Variants in DENR observed in about 807,000 individuals in gnomAD.
DENR encodes the protein density regulated re-initiation and release factor.
Under a neutral mutation model 30.6 loss-of-function variants are expected in DENR, and 6 were observed. The observed-to-expected ratio is 0.20, with a 90% CI of 0.11 to 0.39. The LOEUF is 0.39. Ranked by LOEUF, DENR falls within the 10% of genes least tolerant of loss-of-function variation. The probability of loss-of-function intolerance (pLI) is 1.00; values close to 1 mark genes in which losing one functional copy is unlikely to be tolerated. For synonymous variants in DENR, 78 were observed against 72.1 expected (o/e 1.08, Z -0.41); for missense variants, 141 against 230.9 (o/e 0.61, Z 2.52).
chr12:122,764,559 C>T (rs1314567662), intron 4 of DENR, among the ~76,000 whole-genome samples: 5 of 152,142 alleles, frequency 3.3e-5, no homozygotes, highest in South Asian at 2.1e-4. Context: ...GAGATCGCAC[C>T]GCTGCACTCC....
chr12:122,766,432 C>G lies in DENR; in HGVS notation c.295+1045C>G, dbSNP rs529164822. On this transcript the variant is annotated intron_variant, in intron 5 of 7. Transcript: ENST00000280557. ...GTCCTAGGCCCACTTACTTCTCATT[C>G]TGCACGTTCTTGTTGGATGATTCTA... is the stretch of plus-strand genomic sequence containing the variant. Among the ~76,000 whole-genome samples, 5 of 152,332 alleles carry G rather than the reference C, an allele frequency of 3.3e-5. No homozygotes were observed. In the South Asian group the frequency reaches 1.0e-3, roughly 32 times the overall value.
chr12:122,755,431 T>G (rs148874285), intron 2 of DENR, among the ~76,000 whole-genome samples: 6,522 of 151,982 alleles, frequency 0.043, 176 homozygotes, highest in Middle Eastern at 0.071. Context: ...TACAAAAACT[T>G]AGCCAGGCCT....
chr12:122,769,160 ATATATACACATATATATG>A lies in DENR; in HGVS notation c.*89_*106del. On this transcript the variant is annotated 3_prime_UTR_variant, in exon 8 of 8. Transcript: ENST00000280557. ...GAGAGAGGCCTTTTAAAATATATAT[ATATATACACATATATATG>A]TATATATACACATATATGTATGTAT... is the stretch of plus-strand genomic sequence containing the variant. The A allele has an allele frequency of 4.9e-6, 6 of 1,226,738 alleles. No homozygotes were observed. In the East Asian group the frequency reaches 1.6e-4, roughly 32 times the overall value. 76.0% of individuals were successfully genotyped at this position (1,226,738 alleles called of 1,614,324 possible). A position where few individuals can be genotyped will look rare whatever the true frequency, so the allele number is the denominator to read the frequency against.
In DENR at chr12:122,769,215, CATGT is replaced by C. The variant is rs1566061483; in HGVS notation, c.*140_*143del. Reference sequence around the variant, plus strand: ...ATATATGTATGTATACACATATACACATGTATATATACATGTGTGTATGTATACA... The same window carrying C: ...ATATATGTATGTATACACATATACACATATATACATGTGTGTATGTATACA... On this transcript the variant is annotated 3_prime_UTR_variant, in exon 8 of 8. Transcript: ENST00000280557. 1.2e-6 allele frequency: 1 copy of C among 835,892 alleles called. No homozygotes were observed. The highest frequency in any genetic ancestry group is 1.5e-6 in the Non-Finnish European group (1 of 649,242). 51.8% of individuals were successfully genotyped at this position (835,892 alleles called of 1,614,324 possible). A position where few individuals can be genotyped will look rare whatever the true frequency, so the allele number is the denominator to read the frequency against.
chr12:122,769,256 A>C lies in DENR; in HGVS notation c.*178A>C, dbSNP rs1878948349. Reference sequence around the variant, plus strand: ...TGTGTATGTATACATGTATATATATATACATACACATATATGTATACATAT... The same window carrying C: ...TGTGTATGTATACATGTATATATATCTACATACACATATATGTATACATAT... On this transcript the variant is annotated 3_prime_UTR_variant, in exon 8 of 8. Transcript: ENST00000280557. 2 of 700,820 alleles carry C rather than the reference A, an allele frequency of 2.9e-6. No individual in the cohort carries two copies. The highest frequency in any genetic ancestry group is 3.6e-6 in the Non-Finnish European group (2 of 555,210). The allele number at this position is 700,820 out of a possible 1,614,324, so 43.4% of individuals were successfully genotyped here.
chr12:122,753,265 G>A (rs1370758523), intron 1 of DENR, among the ~76,000 whole-genome samples: 2 of 121,226 alleles, frequency 1.6e-5, no homozygotes, highest in African/African-American at 6.3e-5. Context: ...CCTGCACCCC[G>A]GGCTTCTCCG....
At chr12:122,757,666 CT>C (rs1593759899) in intron 2 of DENR, among the ~76,000 whole-genome samples, 3 of 152,122 alleles carry the variant, frequency 2.0e-5, no homozygotes, top group African/African-American at 7.2e-5. Flanking sequence ...TAGGTGTTTG[CT>C]GAAAAGAATG....
intron 1 of DENR, among the ~76,000 whole-genome samples, chr12:122,753,436 C>T (rs1878467590): frequency 6.6e-6 from 1 of 152,166 alleles, no homozygotes; most frequent in Middle Eastern, 3.2e-3. Context: ...CCCATTGCTT[C>T]CTGTTTTTCT....
intron 4 of DENR, 162 bp downstream of exon 4, chr12:122,763,091 A>G: frequency 1.8e-6 from 1 of 553,748 alleles, no homozygotes; most frequent in Non-Finnish European, 3.2e-6. Context: ...AGGTCTGAAT[A>G]TCAACTTTCT....
At chr12:122,766,675 G>A (rs962528428) in intron 5 of DENR, among the ~76,000 whole-genome samples, 1 of 152,116 alleles carries the variant, frequency 6.6e-6, no homozygotes, top group African/African-American at 2.4e-5. Context: ...ATTCAGTCAT[G>A]CAAACCAGAG....
chr12:122,761,248 C>T (rs1188709667), intron 2 of DENR, among the ~76,000 whole-genome samples: 1 of 149,644 alleles, frequency 6.7e-6, no homozygotes, highest in Non-Finnish European at 1.5e-5. Context: ...CCCGTCTCTA[C>T]TAAAAATACA....
rs1207615082 is a variant in DENR, at chr12:122,769,173, T to TAC, written c.*96_*97insCA. On this transcript the variant is annotated 3_prime_UTR_variant, in exon 8 of 8. Transcript: ENST00000280557. The stretch of plus-strand genomic sequence containing the variant: ...TAAAATATATATATATATACACATA[T>TAC]ATATGTATATATACACATATATGTA... The TAC allele has an allele frequency of 8.7e-7, 1 of 1,144,752 alleles. No homozygotes were observed. The highest frequency in any genetic ancestry group is 2.2e-5 in the South Asian group (1 of 44,782). 70.9% of individuals were successfully genotyped at this position (1,144,752 alleles called of 1,614,324 possible). A position where few individuals can be genotyped will look rare whatever the true frequency, so the allele number is the denominator to read the frequency against.
chr12:122,768,924 G>T lies in DENR; in HGVS notation c.552+3G>T. ...TCATTCAGGAAAAATGGCCAGAGGTGAGTGCATGGAACACATACATCGCTA... is the reference window on the plus strand; with the variant it reads ...TCATTCAGGAAAAATGGCCAGAGGTTAGTGCATGGAACACATACATCGCTA... On this transcript the variant is annotated splice_donor_region_variant and intron_variant, in intron 7 of 7. Transcript: ENST00000280557. The T allele has an allele frequency of 6.2e-7, 1 of 1,610,034 alleles. No individual in the cohort carries two copies. The highest frequency in any genetic ancestry group is 1.1e-5 in the South Asian group (1 of 89,854).
chr12:122,758,018 T>C (rs1186918505), intron 2 of DENR, among the ~76,000 whole-genome samples: 1 of 152,202 alleles, frequency 6.6e-6, no homozygotes, highest in East Asian at 1.9e-4. Context: ...ATTGAAAATA[T>C]TGACTTTCAG....
intron 2 of DENR, among the ~76,000 whole-genome samples, chr12:122,754,470 C>G (rs1022894400): frequency 6.6e-6 from 1 of 152,132 alleles, no homozygotes; most frequent in African/African-American, 2.4e-5. Context: ...TCAGAAAAAT[C>G]TGAAGATACA....
Position 122,769,199 on chromosome 12 carries a change from T to C in DENR, c.*121T>C, listed in dbSNP as rs913384913. 2.0e-6 allele frequency: 2 copies of C among 983,126 alleles called. No homozygotes were observed. Among genetic ancestry groups the C allele is most frequent in the African/African-American group, 3.5e-5 (2 of 57,268 alleles). 60.9% of individuals were successfully genotyped at this position (983,126 alleles called of 1,614,324 possible). On this transcript the variant is annotated 3_prime_UTR_variant, in exon 8 of 8. Coordinates refer to ENST00000280557, the MANE Select transcript of DENR (RefSeq NM_003677.5). Reference sequence around the variant, plus strand: ...ATATGTATATATACACATATATGTATGTATACACATATACACATGTATATA... The same window carrying C: ...ATATGTATATATACACATATATGTACGTATACACATATACACATGTATATA...
chr12:122,763,570 G>T (rs1483010775), intron 4 of DENR, among the ~76,000 whole-genome samples: 1 of 151,810 alleles, frequency 6.6e-6, no homozygotes, highest in South Asian at 2.1e-4. Context: ...GCGTGGTGGC[G>T]CATGCCTGTA....
At chr12:122,756,942 AAG>A (rs1286479911) in intron 2 of DENR, among the ~76,000 whole-genome samples, 4 of 152,166 alleles carry the variant, frequency 2.6e-5, no homozygotes, top group African/African-American at 9.7e-5. Flanking sequence ...ATAAGTGAGG[AAG>A]AGAGGTTGAA....
At chr12:122,759,629 G>A (rs1470113684) in intron 2 of DENR, among the ~76,000 whole-genome samples, 2 of 152,182 alleles carry the variant, frequency 1.3e-5, no homozygotes, top group Non-Finnish European at 2.9e-5. Context: ...GCTGAGCTAC[G>A]AGAATCACTT....
Sources: gnomAD v4.1 joint callset for allele counts (sites outside exome capture counted in the v4.1 genomes callset) on GRCh38, gnomAD v4.1.1 for gene constraint, MANE v1.5 for transcripts, NCBI Gene and HGNC (gene_info 2026-07-23, HGNC 2026-07-21) for gene names.